Variants in LZTFL1 observed in about 807,000 individuals in gnomAD.
The protein encoded by LZTFL1 is leucine zipper transcription factor like 1.
Under a neutral mutation model 45.9 loss-of-function variants are expected in LZTFL1, and 25 were observed. The ratio of observed to expected loss-of-function variants is 0.54; its 90% CI spans 0.40 to 0.76. LZTFL1 has a LOEUF of 0.76. Ranked by LOEUF, LZTFL1 falls within the 30% of genes least tolerant of loss-of-function variation. The pLI is 0.00. For synonymous variants in LZTFL1, 93 were observed against 117.4 expected (o/e 0.79, Z 1.35); for missense variants, 277 against 331.1 (o/e 0.84, Z 1.27).
Position 45,837,917 on chromosome 3 carries a change from C to T in LZTFL1, c.128+10G>A, listed in dbSNP as rs1701006964. The stretch of plus-strand genomic sequence containing the variant: ...TCCTATTTGGTTTGCTTAGAGTCCT[C>T]CTCTGATACCTGCTCTCCTTGAGGT... On this transcript the variant is annotated intron_variant, in intron 2 of 9. Transcript: ENST00000296135. 6.2e-7 allele frequency: 1 copy of T among 1,602,312 alleles called. No homozygotes were observed. The highest frequency in any genetic ancestry group is 8.5e-7 in the Non-Finnish European group (1 of 1,176,358).
At chr3:45,915,352 G>T in intron 1 of LZTFL1, 1 of 356,778 alleles carries the variant, frequency 2.8e-6, no homozygotes, top group Non-Finnish European at 5.6e-6. Context: ...GCCCACCTCC[G>T]CCCCACCCTT....
At chr3:45,875,254 G>C (rs554232884) in intron 2 of LZTFL1, among the ~76,000 whole-genome samples, 1 of 151,908 alleles carries the variant, frequency 6.6e-6, no homozygotes, top group Non-Finnish European at 1.5e-5. Context: ...GTTCATTACC[G>C]TATTCTTAGT....
intron 2 of LZTFL1, among the ~76,000 whole-genome samples, chr3:45,912,637 G>T (rs1702817497): frequency 6.6e-6 from 1 of 152,166 alleles, no homozygotes; most frequent in African/African-American, 2.4e-5. Flanking sequence ...TCCTAGCCTA[G>T]CCAGCCTTTC....
intron 2 of LZTFL1, among the ~76,000 whole-genome samples, chr3:45,908,600 G>A (rs1321718025): frequency 6.6e-6 from 1 of 151,870 alleles, no homozygotes; most frequent in Non-Finnish European, 1.5e-5. Flanking sequence ...GCTGAGAGCT[G>A]AAGAATGGAC....
rs1235712486 is a variant in LZTFL1 at position 45,901,727 on chromosome 3, C to A, written c.-215+11393G>T. On this transcript the variant is annotated intron_variant, in intron 2 of 4. Transcript: ENST00000472635. This position sits in a 1 kb window ranked among gnomAD's most constrained non-coding sequence, Gnocchi z 4.3. ...TCGCCTTCTTCCACAGTTGCCTGAACCCTGTTCTCTATGTTTTTGTGGGTG... is the reference window on the plus strand; with the variant it reads ...TCGCCTTCTTCCACAGTTGCCTGAAACCTGTTCTCTATGTTTTTGTGGGTG... 1 of 1,614,188 alleles carries A rather than the reference C, an allele frequency of 6.2e-7. No individual in the cohort carries two copies. Among genetic ancestry groups the A allele is most frequent in the Non-Finnish European group, 8.5e-7 (1 of 1,180,026 alleles).
At chr3:45,867,130 A>G (rs1163257264) in intron 2 of LZTFL1, among the ~76,000 whole-genome samples, 1 of 139,946 alleles carries the variant, frequency 7.1e-6, no homozygotes, top group Non-Finnish European at 1.5e-5. Context: ...CCTGGGTGAC[A>G]GAGCAAGACT....
At chr3:45,868,160 C>G (rs1315283087) in intron 2 of LZTFL1, among the ~76,000 whole-genome samples, 1 of 140,500 alleles carries the variant, frequency 7.1e-6, no homozygotes, top group African/African-American at 2.6e-5. Flanking sequence ...TACCCTAGAA[C>G]TTAAAGTATA....
rs146233235 is a variant in LZTFL1, at chr3:45,860,684, G to A, written c.-214-1668C>T. Among the ~76,000 whole-genome samples, 526 of 152,274 alleles carry A rather than the reference G, an allele frequency of 3.5e-3. 3 individuals carry two copies. Among genetic ancestry groups the A allele is most frequent in the Non-Finnish European group, 3.9e-3 (263 of 68,014 alleles). On this transcript the variant is annotated intron_variant, in intron 2 of 4. Transcript: ENST00000472635. ...TGTGACAGAGCACATGGAACATGCA[G>A]TGTCATCTTGAAAAACGAATGATGA...
intron 2 of LZTFL1, among the ~76,000 whole-genome samples, chr3:45,837,184 T>C (rs528643306): frequency 3.9e-5 from 6 of 152,366 alleles, no homozygotes; most frequent in African/African-American, 1.2e-4. Flanking sequence ...TTTTTAAATA[T>C]AAATCCTTAT....
chr3:45,845,072 C>T (rs1412173748), upstream of LZTFL1, among the ~76,000 whole-genome samples: 3 of 152,098 alleles, frequency 2.0e-5, no homozygotes, highest in South Asian at 2.1e-4. Flanking sequence ...TGGGGAATAC[C>T]TTCTTGTAAA....
Position 45,830,912 on chromosome 3 carries a change from C to A in LZTFL1, c.600+1G>T. ...AGAAAGGTAGCTAAAACTTGTTTCA[C>A]CTTTTGATTTCCTTGATCAAGCTGT... is the stretch of plus-strand genomic sequence containing the variant. On this transcript the variant is annotated splice_donor_variant, in intron 7 of 9. Transcript: ENST00000296135. LOFTEE classifies it high-confidence loss of function. 6.2e-7 allele frequency: 1 copy of A among 1,613,068 alleles called. No homozygotes were observed. Among genetic ancestry groups the A allele is most frequent in the Non-Finnish European group, 8.5e-7 (1 of 1,179,348 alleles).
At chr3:45,910,985 C>T (rs1463275830) in intron 2 of LZTFL1, among the ~76,000 whole-genome samples, 3 of 152,154 alleles carry the variant, frequency 2.0e-5, no homozygotes, top group African/African-American at 7.2e-5. Context: ...GTAGTTGATG[C>T]TGGCTGCCAT....
At chr3:45,915,674 A>T, upstream of LZTFL1, 2 of 356,960 alleles carry the variant, frequency 5.6e-6, no homozygotes, top group Middle Eastern at 3.9e-4. Context: ...AAGGCTTTAG[A>T]TGGGGCTGTC....
intron 3 of LZTFL1, chr3:45,858,817 ATT>A (rs1273697382): frequency 6.6e-6 from 1 of 152,224 alleles, no homozygotes; most frequent in Non-Finnish European, 1.5e-5. Flanking sequence ...AATTCTAAGA[ATT>A]GTTGACTTGA....
chr3:45,871,846 A>C (rs28607988), intron 2 of LZTFL1, among the ~76,000 whole-genome samples: 10,274 of 152,284 alleles, frequency 0.067, 365 homozygotes, highest in Non-Finnish European at 0.081. Flanking sequence ...TCTGGCTTCC[A>C]TGTTCTGCAG....
chr3:45,913,018 TA>T, intron 2 of LZTFL1: 10 of 1,190,076 alleles, frequency 8.4e-6, no homozygotes, highest in Non-Finnish European at 1.2e-5. Flanking sequence ...TCAGATAATC[TA>T]AATTCAAGTA....
chr3:45,866,922 C>T (rs1299681327), intron 2 of LZTFL1, among the ~76,000 whole-genome samples: 1 of 151,684 alleles, frequency 6.6e-6, no homozygotes, highest in Admixed American at 6.6e-5. Flanking sequence ...CTGAGGCAGG[C>T]GGATCACTTG....
chr3:45,873,474 T>G (rs187303932), intron 2 of LZTFL1, among the ~76,000 whole-genome samples: 1 of 152,346 alleles, frequency 6.6e-6, no homozygotes, highest in African/African-American at 2.4e-5. Context: ...GTATTTTTAT[T>G]AATATTAATA....
chr3:45,869,810 A>C (rs2125715512), intron 2 of LZTFL1, among the ~76,000 whole-genome samples: 1 of 152,354 alleles, frequency 6.6e-6, no homozygotes, highest in South Asian at 2.1e-4. Flanking sequence ...AATCTGGGAC[A>C]TCCAAGATGA....
Sources: allele counts gnomAD v4.1 joint callset (sites outside exome capture counted in the v4.1 genomes callset), GRCh38; gene constraint gnomAD v4.1.1; non-coding constraint Gnocchi (gnomAD v3.1); transcripts MANE v1.5; gene names NCBI Gene and HGNC (gene_info 2026-07-23, HGNC 2026-07-21).